Variants in LRRC7 observed in about 807,000 individuals in gnomAD.
The protein encoded by LRRC7 is leucine-rich repeat-containing protein 7.
LRRC7 carries 23 observed loss-of-function variants against 175.7 expected under a neutral mutation model. That is an observed-to-expected ratio of 0.13 (90% confidence interval 0.09 to 0.19). The LOEUF is 0.19. LRRC7 is among the 10% of genes least tolerant of loss of function. LRRC7 has a pLI of 1.00. For missense variants in LRRC7, 1,354 were observed against 1,904.7 expected (o/e 0.71, Z 5.38); for synonymous variants, 685 against 680.9 (o/e 1.01, Z -0.09).
At chr1:69,859,954 C>T (rs914965635) in intron 7 of LRRC7, among the ~76,000 whole-genome samples, 6 of 151,930 alleles carry the variant, frequency 3.9e-5, no homozygotes, top group African/African-American at 9.7e-5. Flanking sequence ...ATGTGATTTA[C>T]ACTGAATATC....
chr1:69,986,401 T>C lies in LRRC7; in HGVS notation c.931+15T>C, dbSNP rs759369988. ...TGATTCTATAGGTGAGAATATAATA[T>C]TTTGTCACAAATATTTATGTCAAAT... is the stretch of plus-strand genomic sequence containing the variant. On this transcript the variant is annotated intron_variant, in intron 10 of 26. Transcript: ENST00000651989. 2.5e-6 allele frequency: 4 copies of C among 1,598,412 alleles called. No homozygotes were observed. The African/African-American group carries it at 5.4e-5, about 22-fold the overall frequency.
chr1:70,056,798 A>T (rs949380766), intron 23 of LRRC7, among the ~76,000 whole-genome samples: 1 of 152,168 alleles, frequency 6.6e-6, no homozygotes, highest in African/African-American at 2.4e-5. Context: ...TCTCAATTTC[A>T]ATTATGCAAG....
At chr1:69,585,482 C>G (rs952843393) in intron 1 of LRRC7, among the ~76,000 whole-genome samples, 9 of 152,064 alleles carry the variant, frequency 5.9e-5, no homozygotes, top group Admixed American at 3.3e-4. Context: ...TCCAAAGATG[C>G]CTTTACCATT....
intron 7 of LRRC7, among the ~76,000 whole-genome samples, chr1:69,841,069 A>G (rs1474048821): frequency 6.6e-6 from 1 of 152,054 alleles, no homozygotes; most frequent in African/African-American, 2.4e-5. Context: ...AAGAGAAGCT[A>G]GATTCTCGGT....
chr1:69,875,286 C>A (rs1462212920), intron 7 of LRRC7, among the ~76,000 whole-genome samples: 1 of 152,120 alleles, frequency 6.6e-6, no homozygotes, highest in Non-Finnish European at 1.5e-5. Flanking sequence ...CATCAGTGTG[C>A]AGACTGTTGA....
chr1:69,780,368 C>T (rs968076835), intron 3 of LRRC7, among the ~76,000 whole-genome samples: 10 of 152,054 alleles, frequency 6.6e-5, no homozygotes, highest in Non-Finnish European at 1.2e-4. Flanking sequence ...TAGCTGTATA[C>T]GTGAGGAAGG....
chr1:69,824,898 G>C (rs1364443510), intron 4 of LRRC7, among the ~76,000 whole-genome samples: 1 of 152,240 alleles, frequency 6.6e-6, no homozygotes, highest in East Asian at 1.9e-4. Flanking sequence ...GCTTCATATA[G>C]CTTCTTCCCT....
intron 17 of LRRC7, among the ~76,000 whole-genome samples, chr1:70,025,048 C>CA (rs1442950863): frequency 2.0e-5 from 3 of 152,006 alleles, no homozygotes; most frequent in African/African-American, 7.2e-5. Flanking sequence ...AGCTAAGTAA[C>CA]ACTTGTGTAG....
At chr1:69,749,391 T>C (rs1050026965) in intron 2 of LRRC7, among the ~76,000 whole-genome samples, 1 of 152,158 alleles carries the variant, frequency 6.6e-6, no homozygotes, top group Non-Finnish European at 1.5e-5. Context: ...AGCAGCATTA[T>C]TTATAAATAT....
intron 11 of LRRC7, among the ~76,000 whole-genome samples, chr1:70,003,660 G>T (rs763535562): frequency 5.3e-5 from 8 of 152,090 alleles, no homozygotes; most frequent in Non-Finnish European, 7.4e-5. Context: ...ATCCATTTAA[G>T]AGTCATCCTC....
intron 7 of LRRC7, among the ~76,000 whole-genome samples, chr1:69,850,536 G>A (rs1423034300): frequency 6.6e-6 from 1 of 152,068 alleles, no homozygotes; most frequent in Non-Finnish European, 1.5e-5. Flanking sequence ...GATTGCAATA[G>A]TGAAGATGAG....
At chr1:69,776,569 C>A (rs1672834129) in intron 3 of LRRC7, among the ~76,000 whole-genome samples, 1 of 152,176 alleles carries the variant, frequency 6.6e-6, no homozygotes, top group African/African-American at 2.4e-5. Flanking sequence ...CCTGAAACAG[C>A]ACTAAGAGAG....
intron 1 of LRRC7, among the ~76,000 whole-genome samples, chr1:69,570,755 G>T (rs1645709125): frequency 6.6e-6 from 1 of 152,132 alleles, no homozygotes; most frequent in South Asian, 2.1e-4. Flanking sequence ...TGATTGCACA[G>T]GGGGAAAAAT....
intron 25 of LRRC7, among the ~76,000 whole-genome samples, chr1:70,097,625 C>A (rs1341721949): frequency 1.6e-5 from 2 of 125,930 alleles, no homozygotes; most frequent in African/African-American, 6.0e-5. Flanking sequence ...CCCCACCCCA[C>A]AACAGTCCCC....
intron 22 of LRRC7, among the ~76,000 whole-genome samples, chr1:70,046,121 C>A (rs1358174763): frequency 1.3e-5 from 2 of 151,938 alleles, no homozygotes; most frequent in Non-Finnish European, 2.9e-5. Flanking sequence ...ATGAAGATGC[C>A]CCTATTTGGC....
At chr1:69,958,160 A>C (rs1420637763) in intron 8 of LRRC7, among the ~76,000 whole-genome samples, 1 of 152,124 alleles carries the variant, frequency 6.6e-6, no homozygotes, top group African/African-American at 2.4e-5. Context: ...TTGCAGCCAT[A>C]AAATTTCTTT....
chr1:70,039,107 G>A lies in LRRC7; in HGVS notation c.3283G>A (p.Glu1095Lys), dbSNP rs1659622853. ...ACCACCCCCTTTTCAACACAATCCCGAGTACGTGCAACAGGCCAGCAAAAA... is the reference window on the plus strand; with the variant it reads ...ACCACCCCCTTTTCAACACAATCCCAAGTACGTGCAACAGGCCAGCAAAAA... ...RIPPPFQHNP[E>K]YVQQASKNIA... Residue 1095 changes from glutamate (E) to lysine (K), a missense_variant, in exon 21 of 27, where the codon GAG (glutamate) becomes AAG (lysine). Around this residue, in one of 4 missense-constraint regions of LRRC7, gnomAD observed 1,032 missense variants for 1,227.2 expected, o/e 0.84. Coordinates refer to ENST00000651989, the MANE Select transcript of LRRC7 (RefSeq NM_001370785.2). The A allele has an allele frequency of 6.2e-6, 10 of 1,614,088 alleles. No individual in the cohort carries two copies. Among genetic ancestry groups the A allele is most frequent in the East Asian group, 2.2e-5 (1 of 44,842 alleles).
In LRRC7 at chr1:70,098,976, C is replaced by T. The variant is rs916324015; in HGVS notation, c.4546-8776C>T. 4.9e-4 allele frequency among the ~76,000 whole-genome samples: 74 copies of T among 152,210 alleles called. 1 individual carries two copies. The highest frequency in any genetic ancestry group is 1.7e-3 in the African/African-American group (70 of 41,498). ...ATCCTCCCTAACTCATTTTATGAGGCCAGCATCATTCTGATACCAAAGCCA... is the reference window on the plus strand; with the variant it reads ...ATCCTCCCTAACTCATTTTATGAGGTCAGCATCATTCTGATACCAAAGCCA... On this transcript the variant is annotated intron_variant, in intron 25 of 26. Coordinates refer to ENST00000651989, the MANE Select transcript of LRRC7 (RefSeq NM_001370785.2).
intron 2 of LRRC7, among the ~76,000 whole-genome samples, chr1:69,685,753 T>C (rs923642669): frequency 1.3e-5 from 2 of 151,836 alleles, no homozygotes; most frequent in African/African-American, 2.4e-5. Flanking sequence ...ATATATAATA[T>C]TTGTATCATC....
Sources: gnomAD v4.1 joint callset for allele counts (sites outside exome capture counted in the v4.1 genomes callset) on GRCh38, gnomAD v4.1.1 for gene constraint, gnomAD v4.1.1 regional missense constraint, MANE v1.5 for transcripts, NCBI Gene and HGNC (gene_info 2026-07-23, HGNC 2026-07-21) for gene names.